The following DDHD2 variants were observed in gnomAD, a reference collection of about 807,000 sequenced individuals.
DDHD2 encodes the protein triacylglycerol hydrolase DDHD2.
DDHD2 carries 62 observed loss-of-function variants against 91.2 expected under a neutral mutation model. The observed-to-expected ratio is 0.68, with a 90% CI of 0.55 to 0.84. The LOEUF (loss-of-function observed/expected upper bound fraction) is 0.84. Among genes scored for constraint, DDHD2 ranks in the 40% least tolerant of loss-of-function variants. The pLI, the probability that DDHD2 is intolerant of heterozygous loss-of-function variation, is 0.00. For synonymous variants in DDHD2, 271 were observed against 293.9 expected (o/e 0.92, Z 0.80); for missense variants, 740 against 846.9 (o/e 0.87, Z 1.57).
rs1002694223 is a variant in DDHD2 at position 38,253,572 on chromosome 8, G to C, written c.1908G>C (p.Glu636Asp). 1 of 1,613,888 alleles carries C rather than the reference G, an allele frequency of 6.2e-7. No homozygotes were observed. The highest frequency in any genetic ancestry group is 8.5e-7 in the Non-Finnish European group (1 of 1,179,902). The change falls in exon 16 of 18, where the codon GAG becomes GAC. Residue 636 changes from glutamate to aspartate, a missense_variant. Coordinates refer to ENST00000397166, the MANE Select transcript of DDHD2 (RefSeq NM_015214.3). ...CATATCCAGATGTTAACACAGAAGA[G>C]ACCTCTGTGGCAGTTAAAGAAGAAG... is the stretch of plus-strand genomic sequence containing the variant. ...SEKPSDVNTE[E>D]TSVAVKEEVL...
intron 10 of DDHD2, among the ~76,000 whole-genome samples, chr8:38,249,392 G>A (rs886260766): frequency 2.0e-5 from 3 of 150,502 alleles, no homozygotes; most frequent in African/African-American, 7.3e-5. Flanking sequence ...GTGAGCCACC[G>A]CGCCTGGCCA....
chr8:38,236,578 C>T lies in DDHD2; in HGVS notation c.412-960C>T, dbSNP rs904523070. 8.6e-5 allele frequency among the ~76,000 whole-genome samples: 13 copies of T among 151,718 alleles called. No homozygotes were observed. In the South Asian group the frequency reaches 2.5e-3, roughly 29 times the overall value. On this transcript the variant is annotated intron_variant, in intron 3 of 17. Transcript: ENST00000397166. Reference sequence around the variant, plus strand: ...TTTCCCAGGCTGTAGTGTAGTGGCGCGATCTCAGCTCACCGCAACCTCTGC... The same window carrying T: ...TTTCCCAGGCTGTAGTGTAGTGGCGTGATCTCAGCTCACCGCAACCTCTGC...
chr8:38,268,401 C>A, intron 1 of DDHD2: 1 of 1,574,038 alleles, frequency 6.4e-7, no homozygotes, highest in South Asian at 1.2e-5. Flanking sequence ...TCTCTTGTGT[C>A]TGCCTTCTTG....
At chr8:38,268,891 C>T (rs1178108875) in intron 1 of DDHD2, 5 of 1,553,064 alleles carry the variant, frequency 3.2e-6, no homozygotes, top group African/African-American at 2.8e-5. Flanking sequence ...CAAACATCGG[C>T]TTGGTGGGGA....
rs1806978759 is a variant in DDHD2 at position 38,261,011 on chromosome 8, G to A, written c.*438G>A. ...GGAAACAGATTCTTGAGATTCAGAA[G>A]GCATTTTGGAGTACACTTATCTCTT... is the stretch of plus-strand genomic sequence containing the variant. On this transcript the variant is annotated 3_prime_UTR_variant, in exon 18 of 18. Coordinates refer to ENST00000397166, the MANE Select transcript of DDHD2 (RefSeq NM_015214.3). The A allele has an allele frequency of 6.6e-6, 1 of 152,168 alleles. No individual in the cohort carries two copies. Among genetic ancestry groups the A allele is most frequent in the South Asian group, 2.1e-4 (1 of 4,828 alleles). The allele number at this position is 152,168 out of a possible 1,614,324, so 9.4% of individuals were successfully genotyped here.
At chr8:38,259,935 A>T in intron 16 of DDHD2, 105 bp from the exon 17 acceptor site, 1 of 751,272 alleles carries the variant, frequency 1.3e-6, no homozygotes, top group Non-Finnish European at 2.2e-6. Flanking sequence ...CAGAAGTAAA[A>T]AATAAACTTG....
At chr8:38,253,778 G>T in intron 16 of DDHD2, 60 bp downstream of exon 16, 2 of 1,552,248 alleles carry the variant, frequency 1.3e-6, no homozygotes, top group Non-Finnish European at 1.8e-6. Context: ...ATATTTGATA[G>T]ATGTAGAAAA....
chr8:38,239,690 CA>C (rs1392210479), intron 5 of DDHD2, among the ~76,000 whole-genome samples: 3 of 37,600 alleles, frequency 8.0e-5, no homozygotes, highest in Middle Eastern at 0.02. Context: ...CTGTCACAAA[CA>C]AAAAAAAAAC....
chr8:38,251,741 T>A, intron 11 of DDHD2, 171 bp from the exon 12 acceptor site: 2 of 570,866 alleles, frequency 3.5e-6, no homozygotes, highest in Non-Finnish European at 6.2e-6. Flanking sequence ...TACTATATAG[T>A]AGCTCCCCAT....
rs762159883 is a variant in DDHD2 at position 38,249,824 on chromosome 8, G to T, written c.1344+21G>T. On this transcript the variant is annotated intron_variant, in intron 11 of 17. Transcript: ENST00000397166. Reference sequence around the variant, plus strand: ...CAATGGTATGTGCCTAATACAGCTTGTTGGACTAAACAATTCTTTGATGTC... The same window carrying T: ...CAATGGTATGTGCCTAATACAGCTTTTTGGACTAAACAATTCTTTGATGTC... 1.3e-5 allele frequency: 20 copies of T among 1,503,574 alleles called. No individual in the cohort carries two copies. In the Admixed American group the frequency reaches 3.3e-4, roughly 25 times the overall value. 93.1% of individuals were successfully genotyped at this position (1,503,574 alleles called of 1,614,324 possible). A position where few individuals can be genotyped will look rare whatever the true frequency, so the allele number is the denominator to read the frequency against.
chr8:38,257,312 G>C (rs957887118), intron 16 of DDHD2, among the ~76,000 whole-genome samples: 1 of 132,840 alleles, frequency 7.5e-6, no homozygotes, highest in Non-Finnish European at 1.5e-5. Context: ...GCTGTGGCAC[G>C]ATCTTGGCTC....
chr8:38,269,123 T>C (rs1407418089), intron 1 of DDHD2: 1 of 1,523,192 alleles, frequency 6.6e-7, no homozygotes, highest in Non-Finnish European at 8.8e-7. Flanking sequence ...GGATCTTTCT[T>C]ACAGGAAGGC....
intron 3 of DDHD2, among the ~76,000 whole-genome samples, chr8:38,236,578 C>A (rs904523070): frequency 4.6e-5 from 7 of 151,602 alleles, no homozygotes; most frequent in Admixed American, 2.6e-4. Flanking sequence ...TGTAGTGGCG[C>A]GATCTCAGCT....
At chr8:38,253,423 G>A in intron 15 of DDHD2, 133 bp from the exon 16 acceptor site, 1 of 840,150 alleles carries the variant, frequency 1.2e-6, no homozygotes, top group Non-Finnish European at 1.8e-6. Context: ...ATTGAGAGGA[G>A]GAAGATGGGA....
chr8:38,244,163 G>A (rs1465025937), intron 7 of DDHD2, among the ~76,000 whole-genome samples: 1 of 152,148 alleles, frequency 6.6e-6, no homozygotes, highest in Non-Finnish European at 1.5e-5. Flanking sequence ...GGCCAAGCTG[G>A]TTTTGAACTC....
At chr8:38,246,082 G>A (rs1038305422) in intron 8 of DDHD2, 132 bp downstream of exon 8, 8 of 1,116,876 alleles carry the variant, frequency 7.2e-6, no homozygotes, top group Admixed American at 6.1e-5. Flanking sequence ...AAATTTGGAA[G>A]GGGTTGGAAG....
rs746020888 is a variant in DDHD2 at position 38,233,159 on chromosome 8, A to C, written c.165A>C (p.Thr55=). The change falls in exon 2 of 18, where the codon ACA becomes ACC. Residue 55 remains threonine, a synonymous_variant. Coordinates refer to ENST00000397166, the MANE Select transcript of DDHD2 (RefSeq NM_015214.3). ...FYCKIIDSKE[T]WIPFNSEDSQ... is the part of the protein sequence containing the mutation. ...GTAAGATAATAGATTCTAAGGAGAC[A>C]TGGATTCCTTTCAACTCTGAGGATT... The C allele has an allele frequency of 5.6e-6, 9 of 1,614,180 alleles. No individual in the cohort carries two copies. In the East Asian group the frequency reaches 2.0e-4, roughly 36 times the overall value.
intron 6 of DDHD2, 44 bp downstream of exon 6, chr8:38,240,408 G>C (rs1171977884): frequency 1.5e-6 from 2 of 1,370,522 alleles, no homozygotes. Flanking sequence ...CAGTGCTCTT[G>C]TGAGCTGAGA....
At chr8:38,265,145 A>G, downstream of DDHD2, 1 of 538,072 alleles carries the variant, frequency 1.9e-6, no homozygotes. Flanking sequence ...ATGTGCCTGT[A>G]ATCCCAGATA....
Sources: allele counts gnomAD v4.1 joint callset (sites outside exome capture counted in the v4.1 genomes callset), GRCh38; gene constraint gnomAD v4.1.1; transcripts MANE v1.5; gene names NCBI Gene and HGNC (gene_info 2026-07-23, HGNC 2026-07-21).